The following PPP1R12B variants were observed in gnomAD, a reference collection of about 807,000 sequenced individuals.
The protein encoded by PPP1R12B is protein phosphatase 1 regulatory subunit 12B, also known as myosin phosphatase target subunit 2.
PPP1R12B carries 76 observed loss-of-function variants against 126.1 expected under a neutral mutation model. The ratio of observed to expected loss-of-function variants is 0.60; its 90% CI spans 0.50 to 0.73. The LOEUF (loss-of-function observed/expected upper bound fraction) is 0.73. PPP1R12B is among the 30% of genes least tolerant of loss of function. The pLI is 0.00. For synonymous variants in PPP1R12B, 356 were observed against 434.7 expected, an observed-to-expected ratio of 0.82 and a Z score of 2.25; for missense variants, 1,052 against 1,205.1, an observed-to-expected ratio of 0.87 and a Z score of 1.88.
chr1:202,435,902 G>A (rs546559715), intron 9 of PPP1R12B, among the ~76,000 whole-genome samples: 5 of 152,238 alleles, frequency 3.3e-5, no homozygotes, highest in African/African-American at 4.8e-5. Flanking sequence ...AGTCATTTAG[G>A]TGTACCTCAT....
rs1261768520 is a variant in PPP1R12B, at chr1:202,567,237, C to G, written c.2758-541C>G. Reference sequence around the variant, plus strand: ...ACTCCTAAGAACCCCTTAAAGCCCACCCACATATGAAAACTGCTGCTCTAA... The same window carrying G: ...ACTCCTAAGAACCCCTTAAAGCCCAGCCACATATGAAAACTGCTGCTCTAA... On this transcript the variant is annotated intron_variant, in intron 21 of 23. Transcript: ENST00000608999. Among the ~76,000 whole-genome samples, 3 of 152,264 alleles carry G rather than the reference C, an allele frequency of 2.0e-5. No individual in the cohort carries two copies. In the East Asian group the frequency reaches 5.8e-4, roughly 29 times the overall value.
At chr1:202,563,612 C>T (rs1176566577) in intron 20 of PPP1R12B, among the ~76,000 whole-genome samples, 2 of 141,288 alleles carry the variant, frequency 1.4e-5, no homozygotes, top group Non-Finnish European at 3.0e-5. Context: ...CAACTAAATA[C>T]TACTTGGTGT....
chr1:202,459,898 G>T (rs1674104855), intron 13 of PPP1R12B, among the ~76,000 whole-genome samples: 1 of 152,166 alleles, frequency 6.6e-6, no homozygotes, highest in Admixed American at 6.5e-5. Flanking sequence ...AACCAACAAG[G>T]TCATCTGATT....
intron 18 of PPP1R12B, among the ~76,000 whole-genome samples, chr1:202,552,149 T>TA (rs950844301): frequency 5.9e-5 from 9 of 152,216 alleles, no homozygotes; most frequent in Non-Finnish European, 1.2e-4. Context: ...ATTTTTTTGA[T>TA]ATAAAAAACA....
Position 202,569,203 on chromosome 1 carries a change from A to T in PPP1R12B, c.2862+6A>T. 1.9e-6 allele frequency: 3 copies of T among 1,612,638 alleles called. No homozygotes were observed. The highest frequency in any genetic ancestry group is 2.5e-6 in the Non-Finnish European group (3 of 1,178,712). Reference sequence around the variant, plus strand: ...AAATGGAGGAAGAAATGAAGGTATGAAGAGATTTTCTTTCTTTTTGTATGC... The same window carrying T: ...AAATGGAGGAAGAAATGAAGGTATGTAGAGATTTTCTTTCTTTTTGTATGC... On this transcript the variant is annotated splice_donor_region_variant and intron_variant, in intron 23 of 23. Transcript: ENST00000608999.
At chr1:202,511,222 G>GT (rs1253795454) in intron 18 of PPP1R12B, among the ~76,000 whole-genome samples, 342 of 143,850 alleles carry the variant, frequency 2.4e-3, no homozygotes, top group Middle Eastern at 7.1e-3. Context: ...CCACTATGTA[G>GT]TTTTTTTTTT....
rs201237332 is a variant in PPP1R12B, at chr1:202,437,823, C to G, written c.1257C>G (p.Phe419Leu). ...NTFSASSARR[F>L]SSGLFNKPEE... ...TCTTTTATTTGCTTCTCTCATAGTT[C>G]TCTTCTGGCCTTTTTAACAAGCCAG... Residue 419 changes from phenylalanine (F) to leucine (L), a missense_variant and splice_region_variant, in exon 10 of 24, where the codon TTC (phenylalanine) becomes TTG (leucine). Coordinates refer to ENST00000608999, the MANE Select transcript of PPP1R12B (RefSeq NM_002481.4). 1.2e-6 allele frequency: 2 copies of G among 1,601,788 alleles called. No homozygotes were observed. Among genetic ancestry groups the G allele is most frequent in the Admixed American group, 3.4e-5 (2 of 58,244 alleles).
intron 1 of PPP1R12B, among the ~76,000 whole-genome samples, chr1:202,379,319 A>G (rs1281282020): frequency 1.3e-5 from 2 of 152,236 alleles, no homozygotes; most frequent in Non-Finnish European, 2.9e-5. Flanking sequence ...CTGGGGGCAC[A>G]TGTTAACAAT....
intron 1 of PPP1R12B, among the ~76,000 whole-genome samples, chr1:202,381,022 G>A (rs767067148): frequency 1.3e-5 from 2 of 152,064 alleles, no homozygotes; most frequent in Admixed American, 6.6e-5. Context: ...TCTTATTGAC[G>A]TGTACATAAA....
At chr1:202,577,270 GAAT>G (rs1194380221) in intron 23 of PPP1R12B, 5 of 152,078 alleles carry the variant, frequency 3.3e-5, no homozygotes, top group South Asian at 2.1e-4. Context: ...ATCAAAAGAA[GAAT>G]AATATTTTAC....
chr1:202,364,468 C>G (rs1658772042), intron 1 of PPP1R12B, among the ~76,000 whole-genome samples: 1 of 152,094 alleles, frequency 6.6e-6, no homozygotes, highest in Non-Finnish European at 1.5e-5. Context: ...ACTCTGTCAC[C>G]CAGGTAAGAG....
At chr1:202,500,905 C>T (rs1680156346) in intron 18 of PPP1R12B, among the ~76,000 whole-genome samples, 1 of 152,164 alleles carries the variant, frequency 6.6e-6, no homozygotes, top group African/African-American at 2.4e-5. Flanking sequence ...TCATGCATTG[C>T]TATGCTGGGG....
intron 1 of PPP1R12B, among the ~76,000 whole-genome samples, chr1:202,377,035 G>A (rs969085442): frequency 6.6e-6 from 1 of 152,110 alleles, no homozygotes; most frequent in African/African-American, 2.4e-5. Context: ...GTGTAGCCCA[G>A]GACGATTCTT....
chr1:202,370,927 T>C (rs910290784), intron 1 of PPP1R12B, among the ~76,000 whole-genome samples: 43 of 152,228 alleles, frequency 2.8e-4, no homozygotes, highest in African/African-American at 1.0e-3. Flanking sequence ...GAATTAGAAT[T>C]CTGTTTGCTC....
At chr1:202,529,795 A>T (rs189603623) in intron 18 of PPP1R12B, among the ~76,000 whole-genome samples, 1 of 152,258 alleles carries the variant, frequency 6.6e-6, no homozygotes, top group African/African-American at 2.4e-5. Flanking sequence ...AACTAAATGG[A>T]TTTATTTATT....
At chr1:202,401,807 C>G (rs1191322994) in intron 1 of PPP1R12B, among the ~76,000 whole-genome samples, 1 of 152,200 alleles carries the variant, frequency 6.6e-6, no homozygotes, top group East Asian at 1.9e-4. Flanking sequence ...CCATTCTGTT[C>G]TGAAATTTCT....
chr1:202,440,810 A>G, intron 11 of PPP1R12B, 22 bp downstream of exon 11: 1 of 1,588,762 alleles, frequency 6.3e-7, no homozygotes, highest in Non-Finnish European at 8.6e-7. Flanking sequence ...ACCAGCCAAA[A>G]GATGGTCCTC....
chr1:202,496,275 C>T (rs545421683), intron 17 of PPP1R12B, among the ~76,000 whole-genome samples: 1 of 152,312 alleles, frequency 6.6e-6, no homozygotes, highest in East Asian at 1.9e-4. Context: ...CATCCTCTTC[C>T]ATATCTTGTT....
intron 9 of PPP1R12B, among the ~76,000 whole-genome samples, chr1:202,435,658 C>G (rs1414351273): frequency 6.6e-6 from 1 of 152,132 alleles, no homozygotes; most frequent in African/African-American, 2.4e-5. Context: ...GTATAAAAGT[C>G]ATTTTGAGGT....
Sources: allele counts gnomAD v4.1 joint callset (sites outside exome capture counted in the v4.1 genomes callset), GRCh38; gene constraint gnomAD v4.1.1; transcripts MANE v1.5; gene names NCBI Gene and HGNC (gene_info 2026-07-23, HGNC 2026-07-21).